The following CTNND1 variants were observed in gnomAD, a reference collection of about 807,000 sequenced individuals.
CTNND1 encodes the protein catenin delta 1, also known as catenin delta-1.
CTNND1 carries 16 observed loss-of-function variants against 112.1 expected under a neutral mutation model. That is an observed-to-expected ratio of 0.14 (90% CI 0.10 to 0.22). The LOEUF (loss-of-function observed/expected upper bound fraction) is 0.22. CTNND1 is among the 10% of genes least tolerant of loss of function. CTNND1 has a pLI of 1.00. For synonymous variants in CTNND1, 420 were observed against 446.5 expected, an observed-to-expected ratio of 0.94 and a Z score of 0.75; for missense variants, 1,008 against 1,257.0, an observed-to-expected ratio of 0.80 and a Z score of 3.00.
At chr11:57,773,932 G>T (rs959185410) in intron 1 of CTNND1, among the ~76,000 whole-genome samples, 2 of 151,984 alleles carry the variant, frequency 1.3e-5, no homozygotes, top group East Asian at 3.9e-4. Context: ...GTGAGACTCC[G>T]TCTCAAAAAA....
At position 57,818,650 on chromosome 11, in the gene CTNND1, C is replaced by G. The variant is rs982531616; in HGVS notation, c.*2342C>G. On this transcript the variant is annotated 3_prime_UTR_variant, in exon 21 of 21. Coordinates refer to ENST00000399050, the MANE Select transcript of CTNND1 (RefSeq NM_001085458.2). Reference sequence around the variant, plus strand: ...TGAAACATTTTTTCTTCTGAAGATTCTTAAAAATTGAATGTGGCTGAAGTT... The same window carrying G: ...TGAAACATTTTTTCTTCTGAAGATTGTTAAAAATTGAATGTGGCTGAAGTT... 6.6e-6 allele frequency: 1 copy of G among 152,118 alleles called. No homozygotes were observed. The highest frequency in any genetic ancestry group is 1.5e-5 in the Non-Finnish European group (1 of 68,014). The allele number at this position is 152,118 out of a possible 1,614,324, so 9.4% of individuals were successfully genotyped here. A position where few individuals can be genotyped will look rare whatever the true frequency, so the allele number is the denominator to read the frequency against.
intron 1 of CTNND1, among the ~76,000 whole-genome samples, chr11:57,769,806 A>G (rs955364511): frequency 6.6e-6 from 1 of 152,124 alleles, no homozygotes; most frequent in Non-Finnish European, 1.5e-5. Flanking sequence ...TAGGCATACA[A>G]TTGTAATCCA....
chr11:57,808,641 G>T (rs989331698), intron 14 of CTNND1, 101 bp downstream of exon 14: 18 of 1,176,184 alleles, frequency 1.5e-5, no homozygotes, highest in South Asian at 2.3e-5. Context: ...TGACTGAAGG[G>T]AAGGACCCTC....
intron 1 of CTNND1, among the ~76,000 whole-genome samples, chr11:57,765,571 G>A (rs1950852848): frequency 2.0e-5 from 3 of 150,280 alleles, no homozygotes; most frequent in South Asian, 2.1e-4. Context: ...GGCTCAAGTG[G>A]TGCTCCCACC....
intron 1 of CTNND1, among the ~76,000 whole-genome samples, chr11:57,766,624 C>CCAATGCTCTACAT (rs1951134208): frequency 1.3e-5 from 2 of 152,220 alleles, no homozygotes; most frequent in South Asian, 4.1e-4. Flanking sequence ...TCCAAGGTTT[C>CCAATGCTCTACAT]CAATAGAGCA....
chr11:57,797,096 G>T, intron 6 of CTNND1, 104 bp downstream of exon 6: 1 of 1,020,588 alleles, frequency 9.8e-7, no homozygotes, highest in Non-Finnish European at 1.3e-6. Flanking sequence ...AGATACTCGT[G>T]GCCTCCTCCC....
At chr11:57,794,249 A>G (rs973048994) in intron 4 of CTNND1, among the ~76,000 whole-genome samples, 168 bp downstream of exon 4, 4 of 152,156 alleles carry the variant, frequency 2.6e-5, no homozygotes, top group African/African-American at 9.7e-5. Flanking sequence ...GTATATATGC[A>G]GTTTTGTTTT....
intron 8 of CTNND1, among the ~76,000 whole-genome samples, chr11:57,804,204 G>T (rs1364381003): frequency 6.6e-6 from 1 of 152,210 alleles, no homozygotes; most frequent in African/African-American, 2.4e-5. Context: ...TAGGAGGTTA[G>T]GGCATGGGTG....
chr11:57,816,247 C>T (rs1253671745), intron 20 of CTNND1, 50 bp from the exon 21 acceptor site: 6 of 1,611,376 alleles, frequency 3.7e-6, no homozygotes, highest in Non-Finnish European at 5.1e-6. Context: ...GGGGGGGTCT[C>T]CTTAATCCCA....
chr11:57,810,865 G>A (rs1314645526), intron 16 of CTNND1, among the ~76,000 whole-genome samples: 1 of 151,874 alleles, frequency 6.6e-6, no homozygotes, highest in Non-Finnish European at 1.5e-5. Context: ...GCTGAGGTGG[G>A]AGGATTGCTT....
intron 3 of CTNND1, 101 bp from the exon 4 acceptor site, chr11:57,793,909 T>C: frequency 2.6e-6 from 3 of 1,162,438 alleles, no homozygotes; most frequent in South Asian, 2.5e-5. Flanking sequence ...CACACATATC[T>C]TCTTGAAAGC....
rs1387616181 is a variant in CTNND1, at chr11:57,817,990, C to T, written c.*1682C>T. The stretch of plus-strand genomic sequence containing the variant: ...ATGGGGTAGGAGAAAAGTGCACAAC[C>T]CACCACCCCCTTTACTCGTGCATTA... On this transcript the variant is annotated 3_prime_UTR_variant, in exon 21 of 21. Coordinates refer to ENST00000399050, the MANE Select transcript of CTNND1 (RefSeq NM_001085458.2). 2 of 152,496 alleles carry T rather than the reference C, an allele frequency of 1.3e-5. No homozygotes were observed. The highest frequency in any genetic ancestry group is 2.9e-5 in the Non-Finnish European group (2 of 68,020). 9.4% of individuals were successfully genotyped at this position (152,496 alleles called of 1,614,324 possible). A position where few individuals can be genotyped will look rare whatever the true frequency, so the allele number is the denominator to read the frequency against.
In CTNND1 at chr11:57,801,989, C is replaced by A; in HGVS notation, c.1213C>A (p.Arg405=). ...CAATGACAAGGTGAAGACTGACGTG[C>A]GGAAGCTCAAGGGCATCCCAGTACT... ...YRNDKVKTDV[R]KLKGIPVLVG... The change falls in exon 7 of 21, where the codon CGG becomes AGG. Residue 405 remains arginine (R), a synonymous_variant. Coordinates refer to ENST00000399050, the MANE Select transcript of CTNND1 (RefSeq NM_001085458.2). 1 of 1,613,972 alleles carries A rather than the reference C, an allele frequency of 6.2e-7. No individual in the cohort carries two copies. The highest frequency in any genetic ancestry group is 8.5e-7 in the Non-Finnish European group (1 of 1,179,894).
intron 1 of CTNND1, among the ~76,000 whole-genome samples, chr11:57,786,769 A>AT (rs958043270): frequency 5.5e-4 from 84 of 151,352 alleles, no homozygotes; most frequent in Non-Finnish European, 1.8e-4. Flanking sequence ...TTTTCCTCCC[A>AT]TTTTTTTTCT....
rs186064050 is a variant in CTNND1, at chr11:57,770,202, C to T, written c.-214+8083C>T. 4.5e-3 allele frequency among the ~76,000 whole-genome samples: 681 copies of T among 151,190 alleles called. 5 individuals are homozygous for T. The highest frequency in any genetic ancestry group is 0.017 in the Middle Eastern group (5 of 288). The stretch of plus-strand genomic sequence containing the variant: ...AAAATTAGCCGGGCGTGGTGGCGGG[C>T]GCCTGTAATCCCAGCTACTCGGGAA... On this transcript the variant is annotated intron_variant, in intron 1 of 20. Coordinates refer to ENST00000399050, the MANE Select transcript of CTNND1 (RefSeq NM_001085458.2).
At chr11:57,792,428 CGT>C (rs1491204735) in intron 3 of CTNND1, among the ~76,000 whole-genome samples, 1 of 152,020 alleles carries the variant, frequency 6.6e-6, no homozygotes, top group Non-Finnish European at 1.5e-5. Flanking sequence ...TGTGTGTGTG[CGT>C]GTGTGCGCGC....
At chr11:57,780,922 AG>A (rs1344481397) in intron 1 of CTNND1, among the ~76,000 whole-genome samples, 2 of 152,150 alleles carry the variant, frequency 1.3e-5, no homozygotes, top group Non-Finnish European at 2.9e-5. Flanking sequence ...AAGTTTGGTG[AG>A]AAGCTGCTAT....
At chr11:57,767,804 AT>A (rs1269211359) in intron 1 of CTNND1, among the ~76,000 whole-genome samples, 9 of 150,036 alleles carry the variant, frequency 6.0e-5, no homozygotes, top group African/African-American at 2.0e-4. Flanking sequence ...AAGAACTCAA[AT>A]TTCGTTTGTT....
intron 9 of CTNND1, 71 bp downstream of exon 9, chr11:57,804,851 G>C: frequency 9.2e-7 from 1 of 1,092,390 alleles, no homozygotes; most frequent in Non-Finnish European, 1.4e-6. Flanking sequence ...CTGTAGGTCA[G>C]AGACCTATCA....
Sources: gnomAD v4.1 joint callset for allele counts (sites outside exome capture counted in the v4.1 genomes callset) on GRCh38, gnomAD v4.1.1 for gene constraint, MANE v1.5 for transcripts, NCBI Gene and HGNC (gene_info 2026-07-23, HGNC 2026-07-21) for gene names.